Variants in FRMD5 observed in about 807,000 individuals in gnomAD.
FRMD5 encodes the protein FERM domain-containing protein 5.
In FRMD5, 20 loss-of-function variants were observed where a neutral mutation model predicts 69.0. The ratio of observed to expected loss-of-function variants is 0.29; its 90% CI spans 0.20 to 0.42. FRMD5 has a LOEUF of 0.42. Ranked by LOEUF, FRMD5 falls within the 10% of genes least tolerant of loss-of-function variation. FRMD5 has a pLI of 1.00. For synonymous variants in FRMD5, 271 were observed against 260.1 expected, an observed-to-expected ratio of 1.04 and a Z score of -0.40; for missense variants, 595 against 708.6, an observed-to-expected ratio of 0.84 and a Z score of 1.82.
At chr15:44,060,624 C>T (rs1309574724) in intron 1 of FRMD5, among the ~76,000 whole-genome samples, 1 of 151,782 alleles carries the variant, frequency 6.6e-6, no homozygotes, top group South Asian at 2.1e-4. Context: ...TTTTTTAGTC[C>T]CCAAATGGCT....
chr15:44,146,838 G>C (rs577484798), intron 1 of FRMD5, among the ~76,000 whole-genome samples: 1 of 152,082 alleles, frequency 6.6e-6, no homozygotes, highest in South Asian at 2.1e-4. Context: ...CTTTTTAATG[G>C]GGTTGTTTGA....
At chr15:43,996,715 A>ATTTTTTTTTTTT (rs11397296) in intron 1 of FRMD5, among the ~76,000 whole-genome samples, 4 of 86,020 alleles carry the variant, frequency 4.7e-5, no homozygotes, top group African/African-American at 1.5e-4. Context: ...TCCTCAGCTG[A>ATTTTTTTTTTTT]TTTTTTTTTT....
Position 43,902,240 on chromosome 15 carries a change from C to G in FRMD5, c.574G>C (p.Glu192Gln). Residue 192 changes from glutamate (E) to glutamine (Q), a missense_variant, in exon 7 of 14, where the codon GAG becomes CAG. By Grantham distance (29) the Glu-to-Gln change is conservative (BLOSUM62 2). Transcript: ENST00000417257. ...TGTGCTTTTCTTAAGAAGTTCAGCTCTGATGTTGCTGGTGTTTGACCACTG... is the reference window on the plus strand; with the variant it reads ...TGTGCTTTTCTTAAGAAGTTCAGCTGTGATGTTGCTGGTGTTTGACCACTG... Reference protein sequence around the residue: ...ELSGQTPATSELNFLRKAQTL... With the variant: ...ELSGQTPATSQLNFLRKAQTL... 1 of 1,614,056 alleles carries G rather than the reference C, an allele frequency of 6.2e-7. No individual in the cohort carries two copies. Among genetic ancestry groups the G allele is most frequent in the Non-Finnish European group, 8.5e-7 (1 of 1,179,928 alleles).
chr15:44,180,587 C>G (rs973478692), intron 1 of FRMD5, among the ~76,000 whole-genome samples: 1 of 152,162 alleles, frequency 6.6e-6, no homozygotes, highest in Non-Finnish European at 1.5e-5. Context: ...GAGTTCGAGA[C>G]CAACCTGGCC....
At chr15:44,036,534 C>T (rs375988905) in intron 1 of FRMD5, among the ~76,000 whole-genome samples, 3 of 152,112 alleles carry the variant, frequency 2.0e-5, no homozygotes, top group South Asian at 2.1e-4. Flanking sequence ...GTTACTTAAC[C>T]CTTCTGCACC....
At chr15:43,901,632 C>T (rs895392707) in intron 7 of FRMD5, among the ~76,000 whole-genome samples, 3 of 152,192 alleles carry the variant, frequency 2.0e-5, no homozygotes, top group Non-Finnish European at 1.5e-5. Context: ...CTGGCTGCCC[C>T]CGCTCATCTC....
chr15:44,151,329 G>A (rs1159820567), intron 1 of FRMD5, among the ~76,000 whole-genome samples: 1 of 150,914 alleles, frequency 6.6e-6, no homozygotes. Context: ...CCCAGGAGGT[G>A]GAGCTTGCAG....
chr15:44,160,318 T>C (rs1042794919), intron 1 of FRMD5, among the ~76,000 whole-genome samples: 2 of 152,212 alleles, frequency 1.3e-5, no homozygotes, highest in African/African-American at 4.8e-5. Context: ...ATGGCGCCAC[T>C]GCACCCAGCC....
chr15:44,059,041 C>G (rs887842023), intron 1 of FRMD5, among the ~76,000 whole-genome samples: 5 of 152,146 alleles, frequency 3.3e-5, no homozygotes, highest in African/African-American at 7.2e-5. Flanking sequence ...ACTTAGGAAC[C>G]TGTGCAACTG....
chr15:44,183,258 A>G (rs887648994), intron 1 of FRMD5, among the ~76,000 whole-genome samples: 6 of 151,770 alleles, frequency 4.0e-5, no homozygotes, highest in African/African-American at 1.5e-4. Flanking sequence ...AAAGGGGGGT[A>G]GCAGAGAGAT....
At chr15:44,150,426 GA>G (rs1309016860) in intron 1 of FRMD5, among the ~76,000 whole-genome samples, 1,260 of 124,988 alleles carry the variant, frequency 0.01, 10 homozygotes, top group African/African-American at 0.02. Flanking sequence ...CCATCAAAAA[GA>G]AAAAAAAAAA....
chr15:43,890,829 G>A (rs963038091), intron 8 of FRMD5, among the ~76,000 whole-genome samples: 9 of 152,192 alleles, frequency 5.9e-5, no homozygotes, highest in African/African-American at 1.9e-4. Flanking sequence ...GCTGACGATC[G>A]TAATGCCCTC....
At chr15:44,132,407 A>G (rs1414954477) in intron 1 of FRMD5, among the ~76,000 whole-genome samples, 3 of 152,126 alleles carry the variant, frequency 2.0e-5, no homozygotes, top group African/African-American at 7.2e-5. Flanking sequence ...GATAGTGATG[A>G]TGGTAGTACA....
At chr15:44,099,572 T>C (rs756785314) in intron 1 of FRMD5, among the ~76,000 whole-genome samples, 1 of 152,228 alleles carries the variant, frequency 6.6e-6, no homozygotes, top group Non-Finnish European at 1.5e-5. Context: ...TTTGGGATTC[T>C]TGGCCCCTAT....
At chr15:44,035,678 G>A (rs1891876142) in intron 1 of FRMD5, among the ~76,000 whole-genome samples, 1 of 152,138 alleles carries the variant, frequency 6.6e-6, no homozygotes, top group South Asian at 2.1e-4. Context: ...GATCTGTCAG[G>A]GATGTGCCAT....
chr15:44,157,727 C>T (rs1238062278), intron 1 of FRMD5, among the ~76,000 whole-genome samples: 1 of 152,068 alleles, frequency 6.6e-6, no homozygotes, highest in Non-Finnish European at 1.5e-5. Context: ...CTTCACTAGA[C>T]TCCAAATAAG....
At chr15:43,875,939 A>G in intron 13 of FRMD5, 1 of 1,259,390 alleles carries the variant, frequency 7.9e-7, no homozygotes. Context: ...TCACACTTAT[A>G]GGCAAGGCAA....
At chr15:43,891,623 C>T (rs1249486543) in intron 8 of FRMD5, among the ~76,000 whole-genome samples, 2 of 152,156 alleles carry the variant, frequency 1.3e-5, no homozygotes, top group Non-Finnish European at 2.9e-5. Flanking sequence ...CCAGAACAGC[C>T]GGCTCAACAG....
Position 43,990,848 on chromosome 15 carries a change from T to C in FRMD5, c.103-66539A>G, listed in dbSNP as rs1012079169. Reference sequence around the variant, plus strand: ...GTTGAAGTGGTAATTTAACTATGGCTGATCTTCAATGACTTTTACATAAGG... The same window carrying C: ...GTTGAAGTGGTAATTTAACTATGGCCGATCTTCAATGACTTTTACATAAGG... On this transcript the variant is annotated intron_variant, in intron 1 of 13. Transcript: ENST00000417257. Among the ~76,000 whole-genome samples the C allele has an allele frequency of 1.2e-4, 18 of 152,372 alleles. No homozygotes were observed. In the South Asian group the frequency reaches 3.7e-3, roughly 32 times the overall value.
Sources: gnomAD v4.1 joint callset for allele counts (sites outside exome capture counted in the v4.1 genomes callset) on GRCh38, gnomAD v4.1.1 for gene constraint, MANE v1.5 for transcripts, NCBI Gene and HGNC (gene_info 2026-07-23, HGNC 2026-07-21) for gene names.